The following NEK1 variants were observed in gnomAD, a reference collection of about 807,000 sequenced individuals.
The protein encoded by NEK1 is NIMA related kinase 1.
In NEK1, 137 loss-of-function variants were observed where a neutral mutation model predicts 182.1. The observed-to-expected ratio is 0.75, with a 90% CI of 0.65 to 0.87. NEK1 has a LOEUF of 0.87. NEK1 is among the 40% of genes least tolerant of loss of function. NEK1 has a pLI of 0.00. For missense variants in NEK1, 1,391 were observed against 1,494.4 expected, an observed-to-expected ratio of 0.93 and a Z score of 1.14; for synonymous variants, 513 against 492.2, an observed-to-expected ratio of 1.04 and a Z score of -0.56.
At chr4:169,527,787 G>C (rs1309539441) in intron 19 of NEK1, among the ~76,000 whole-genome samples, 2 of 151,960 alleles carry the variant, frequency 1.3e-5, no homozygotes, top group Non-Finnish European at 2.9e-5. Context: ...ACAAATAATA[G>C]AATGTGAGAT....
At chr4:169,429,177 G>C (rs1736966482) in intron 29 of NEK1, among the ~76,000 whole-genome samples, 2 of 152,102 alleles carry the variant, frequency 1.3e-5, no homozygotes, top group African/African-American at 4.8e-5. Flanking sequence ...GTATACGAAG[G>C]ATACTGGAAC....
chr4:169,608,219 C>T (rs1771723983), intron 2 of NEK1, among the ~76,000 whole-genome samples: 1 of 151,970 alleles, frequency 6.6e-6, no homozygotes, highest in African/African-American at 2.4e-5. Flanking sequence ...TATCAAAACA[C>T]ATTACAAAGC....
intron 13 of NEK1, 123 bp from the exon 14 acceptor site, chr4:169,562,014 G>T: frequency 5.9e-6 from 6 of 1,023,408 alleles, no homozygotes; most frequent in South Asian, 1.6e-5. Context: ...AAAAAAAAAA[G>T]AAGTTATAGG....
chr4:169,458,708 G>A (rs574662718), intron 27 of NEK1, among the ~76,000 whole-genome samples: 27 of 151,794 alleles, frequency 1.8e-4, no homozygotes, highest in African/African-American at 6.0e-4. Context: ...CATACCTGTT[G>A]TCCTAGCTAT....
chr4:169,512,895 G>A (rs1754417611), intron 19 of NEK1, among the ~76,000 whole-genome samples: 1 of 151,808 alleles, frequency 6.6e-6, no homozygotes, highest in Non-Finnish European at 1.5e-5. Context: ...TCAAGAATCA[G>A]TTAGGCATAT....
At chr4:169,603,948 G>A (rs1052060559) in intron 2 of NEK1, among the ~76,000 whole-genome samples, 3 of 152,024 alleles carry the variant, frequency 2.0e-5, no homozygotes, top group Admixed American at 6.5e-5. Flanking sequence ...TGATCTGCCC[G>A]CCTTGGCCTC....
chr4:169,451,015 A>C (rs1194594492), intron 27 of NEK1, among the ~76,000 whole-genome samples: 1 of 152,244 alleles, frequency 6.6e-6, no homozygotes, highest in Non-Finnish European at 1.5e-5. Context: ...ACTTTAAAGC[A>C]ACAAAGATCA....
intron 23 of NEK1, among the ~76,000 whole-genome samples, chr4:169,480,750 T>C (rs1580055276): frequency 6.6e-6 from 1 of 152,172 alleles, no homozygotes; most frequent in African/African-American, 2.4e-5. Flanking sequence ...TTAAAATTCT[T>C]TATTATTTAA....
intron 27 of NEK1, among the ~76,000 whole-genome samples, chr4:169,457,223 T>G (rs1379278986): frequency 6.6e-6 from 1 of 152,218 alleles, no homozygotes; most frequent in Non-Finnish European, 1.5e-5. Flanking sequence ...AGAATTGGAC[T>G]GTTTGTAATA....
chr4:169,604,151 G>C (rs1177110635), intron 2 of NEK1, among the ~76,000 whole-genome samples: 1 of 151,924 alleles, frequency 6.6e-6, no homozygotes, highest in Non-Finnish European at 1.5e-5. Flanking sequence ...TATCCTAGTT[G>C]CCTTTAAGTA....
chr4:169,568,793 C>T (rs1329257083), intron 12 of NEK1, among the ~76,000 whole-genome samples: 9 of 151,778 alleles, frequency 5.9e-5, no homozygotes, highest in South Asian at 2.1e-4. Flanking sequence ...AAAAATTAGC[C>T]GGGCATGGTG....
intron 26 of NEK1, among the ~76,000 whole-genome samples, chr4:169,475,232 G>A (rs1746723969): frequency 6.6e-6 from 1 of 152,062 alleles, no homozygotes; most frequent in East Asian, 1.9e-4. Flanking sequence ...AAATATATGA[G>A]AAAACTACCC....
intron 12 of NEK1, among the ~76,000 whole-genome samples, chr4:169,571,183 T>TAAAC (rs879648206): frequency 5.1e-5 from 4 of 77,984 alleles, no homozygotes; most frequent in Non-Finnish European, 8.1e-5. Flanking sequence ...AATAAAAAAA[T>TAAAC]AAATAAATAA....
chr4:169,459,195 C>A (rs151066832), intron 27 of NEK1, among the ~76,000 whole-genome samples: 9 of 152,072 alleles, frequency 5.9e-5, no homozygotes, highest in African/African-American at 2.2e-4. Context: ...AAATAAAGTA[C>A]CCAATTTAAA....
At chr4:169,544,244 G>C (rs965903868) in intron 18 of NEK1, among the ~76,000 whole-genome samples, 3 of 152,176 alleles carry the variant, frequency 2.0e-5, no homozygotes, top group Non-Finnish European at 2.9e-5. Context: ...TTTGTCATTA[G>C]TTCTGTTTAT....
intron 12 of NEK1, among the ~76,000 whole-genome samples, chr4:169,566,715 TTAAAAATTC>T (rs1763741932): frequency 6.6e-6 from 1 of 152,142 alleles, no homozygotes; most frequent in African/African-American, 2.4e-5. Context: ...AGGCTTGAAG[TTAAAAATTC>T]TAACGGGCCA....
At chr4:169,569,349 C>T (rs972131276) in intron 12 of NEK1, among the ~76,000 whole-genome samples, 1 of 152,260 alleles carries the variant, frequency 6.6e-6, no homozygotes, top group Non-Finnish European at 1.5e-5. Context: ...CACATGCATA[C>T]AATGTGTAAT....
At chr4:169,468,375 T>G (rs1257667936) in intron 26 of NEK1, among the ~76,000 whole-genome samples, 1 of 152,120 alleles carries the variant, frequency 6.6e-6, no homozygotes, top group African/African-American at 2.4e-5. Flanking sequence ...GATGTTAATG[T>G]TCTGTATCTT....
At chr4:169,607,629 AT>A (rs1165136334) in intron 2 of NEK1, among the ~76,000 whole-genome samples, 2 of 151,750 alleles carry the variant, frequency 1.3e-5, no homozygotes, top group African/African-American at 4.8e-5. Flanking sequence ...CGCCCGGCTA[AT>A]TTTTTTGTAT....
Sources: allele counts gnomAD v4.1 joint callset (sites outside exome capture counted in the v4.1 genomes callset), GRCh38; gene constraint gnomAD v4.1.1; transcripts MANE v1.5; gene names NCBI Gene and HGNC (gene_info 2026-07-23, HGNC 2026-07-21).